AGXT: variants seen among roughly 807,000 people sequenced by gnomAD.
The protein encoded by AGXT is L-alanine: glyoxylate aminotransferase 1.
In AGXT, 41 loss-of-function variants were observed where a neutral mutation model predicts 46.9. The ratio of observed to expected loss-of-function variants is 0.88; its 90% confidence interval spans 0.68 to 1.14. The LOEUF (loss-of-function observed/expected upper bound fraction) is 1.14, where lower values mean the gene tolerates loss of function less well. Ranked by LOEUF, AGXT falls within the 50% of genes most tolerant of loss-of-function variation. AGXT has a pLI of 0.00. For missense variants in AGXT, 525 were observed against 522.7 expected (o/e 1.00, Z -0.04); for synonymous variants, 244 against 227.9 (o/e 1.07, Z -0.64).
intron 8 of AGXT, 87 bp downstream of exon 8, chr2:240,876,091 T>C: frequency 1.4e-6 from 2 of 1,467,320 alleles, no homozygotes; most frequent in Non-Finnish European, 1.9e-6. Flanking sequence ...CCATCCCTGG[T>C]GCACAGAGAA....
chr2:240,878,716 G>T lies in AGXT; in HGVS notation c.1074G>T (p.Val358=). 1 of 1,555,564 alleles carries T rather than the reference G, an allele frequency of 6.4e-7. No homozygotes were observed. The change falls in exon 11 of 11, where the codon GTG becomes GTT. Residue 358 remains valine (V), a splice_region_variant and synonymous_variant. Coordinates refer to ENST00000307503, the MANE Select transcript of AGXT (RefSeq NM_000030.3). ...MGGLGPSTGK[V]LRIGLLGCNA... is the part of the protein sequence containing the mutation. ...TCAGCCCGCCCTGTGCCCCCCAGGT[G>T]CTGCGGATCGGCCTGCTGGGCTGCA...
chr2:240,873,630 T>C (rs1211673069), intron 5 of AGXT, among the ~76,000 whole-genome samples: 4 of 151,954 alleles, frequency 2.6e-5, no homozygotes, highest in African/African-American at 2.4e-5. Context: ...GATTTGGGAG[T>C]TCTCAGGCAG....
chr2:240,877,606 G>A lies in AGXT; in HGVS notation c.916G>A (p.Gly306Arg). ...AYLHGRLQALGLQLFVKDPAL... is the reference protein window; with the variant it reads ...AYLHGRLQALRLQLFVKDPAL... ...TCTGCATGGGCGCCTGCAGGCACTG[G>A]GGCTGCAGCTCTTCGTGAAGGACCC... is the stretch of plus-strand genomic sequence containing the variant. Residue 306 changes from glycine to arginine, a missense_variant, in exon 9 of 11, where the codon GGG becomes AGG. Physicochemically the swap from Gly to Arg is moderately radical, Grantham distance 125. Coordinates refer to ENST00000307503, the MANE Select transcript of AGXT (RefSeq NM_000030.3). 1.3e-6 allele frequency: 2 copies of A among 1,550,934 alleles called. No homozygotes were observed. Among genetic ancestry groups the A allele is most frequent in the Non-Finnish European group, 1.7e-6 (2 of 1,146,994 alleles).
chr2:240,871,540 C>T lies in AGXT; in HGVS notation c.524+91C>T, dbSNP rs10196315. 422,626 of 1,203,100 alleles carry T rather than the reference C, an allele frequency of 0.35. 77,793 individuals carry two copies. Among genetic ancestry groups the T allele is most frequent in the Non-Finnish European group, 0.39 (324,048 of 841,138 alleles). The allele number at this position is 1,203,100 out of a possible 1,614,324, so 74.5% of individuals were successfully genotyped here. ...CACTGGTCCCTCTGGTCCTTCTGCC[C>T]CTGGTCCCCACCCCAGCCTCTGTCA... On this transcript the variant is annotated intron_variant, in intron 4 of 10. Coordinates refer to ENST00000307503, the MANE Select transcript of AGXT (RefSeq NM_000030.3).
In AGXT at chr2:240,878,031, C is replaced by G; in HGVS notation, c.952C>G (p.Leu318Val). 6.2e-7 allele frequency: 1 copy of G among 1,612,210 alleles called. No homozygotes were observed. The highest frequency in any genetic ancestry group is 1.1e-5 in the South Asian group (1 of 91,086). ...CAGGCCCCTCCTGCAGGCGCTCCGGCTTCCCACAGTCACCACTGTGGCTGT... is the reference window on the plus strand; with the variant it reads ...CAGGCCCCTCCTGCAGGCGCTCCGGGTTCCCACAGTCACCACTGTGGCTGT... ...QLFVKDPALR[L>V]PTVTTVAVPA... Residue 318 changes from leucine (L) to valine (V), a missense_variant, in exon 10 of 11, where the codon CTT (leucine) becomes GTT (valine). Coordinates refer to ENST00000307503, the MANE Select transcript of AGXT (RefSeq NM_000030.3).
At position 240,869,049 on chromosome 2, in the gene AGXT, C is replaced by CG; in HGVS notation, c.165+25dup. The CG allele has an allele frequency of 5.0e-6, 8 of 1,611,212 alleles. No homozygotes were observed. The highest frequency in any genetic ancestry group is 6.8e-6 in the Non-Finnish European group (8 of 1,179,224). Reference sequence around the variant, plus strand: ...GTACCAGGTAGGAGTGGGGGTCACTCGGGGGGCCTGGGTCTCACCCATGTT... The same window carrying CG: ...GTACCAGGTAGGAGTGGGGGTCACTCGGGGGGGCCTGGGTCTCACCCATGTT... On this transcript the variant is annotated intron_variant, in intron 1 of 10. Transcript: ENST00000307503.
chr2:240,878,684 GCT>G, intron 10 of AGXT, 28 bp from the exon 11 acceptor site: 1 of 1,537,242 alleles, frequency 6.5e-7, no homozygotes, highest in Non-Finnish European at 8.7e-7. Context: ...CAGGCGGGAG[GCT>G]GACGTCAGCC....
Position 240,878,943 on chromosome 2 carries a change from G to A in AGXT, c.*122G>A, listed in dbSNP as rs963656202. The A allele has an allele frequency of 6.7e-6, 7 of 1,044,320 alleles. No individual in the cohort carries two copies. The African/African-American group carries it at 9.5e-5, about 14-fold the overall frequency. The allele number at this position is 1,044,320 out of a possible 1,614,324, so 64.7% of individuals were successfully genotyped here. On this transcript the variant is annotated 3_prime_UTR_variant, in exon 11 of 11. Transcript: ENST00000307503. ...TGGGGACAGGAAAGCCACTGACCCA[G>A]CCCGGGAGGCAGAACCAGGCAGCCT...
intron 6 of AGXT, 73 bp downstream of exon 6, chr2:240,874,135 G>C: frequency 6.8e-7 from 1 of 1,480,508 alleles, no homozygotes; most frequent in Non-Finnish European, 9.4e-7. Context: ...CGAGGCGGGA[G>C]GGGCGGGAGC....
At chr2:240,871,899 T>G (rs1402842363) in intron 4 of AGXT, among the ~76,000 whole-genome samples, 2 of 152,346 alleles carry the variant, frequency 1.3e-5, no homozygotes, top group Middle Eastern at 6.8e-3. Flanking sequence ...ACAGAGCCCC[T>G]TGGGACCCAG....
chr2:240,875,879 C>T (rs1575711078), intron 7 of AGXT, 56 bp from the exon 8 acceptor site: 6 of 1,569,302 alleles, frequency 3.8e-6, no homozygotes, highest in South Asian at 2.2e-5. Context: ...AGCTAATGCC[C>T]CATCTGCCCC....
intron 2 of AGXT, 113 bp from the exon 3 acceptor site, chr2:240,870,531 C>G: frequency 7.8e-7 from 1 of 1,278,596 alleles, no homozygotes; most frequent in South Asian, 1.3e-5. Context: ...CAGGGTGCCA[C>G]GGTGGGTGGG....
At chr2:240,873,189 C>T (rs933444310) in intron 5 of AGXT, 140 bp downstream of exon 5, 3 of 710,522 alleles carry the variant, frequency 4.2e-6, no homozygotes, top group Admixed American at 2.3e-5. Context: ...GAAACACTCA[C>T]TCCTTACTGC....
intron 5 of AGXT, chr2:240,873,365 A>C: frequency 5.2e-6 from 2 of 386,248 alleles, no homozygotes; most frequent in Admixed American, 3.8e-5. Flanking sequence ...GCTCCAGTCA[A>C]TCAGGCGTTG....
intron 5 of AGXT, chr2:240,873,350 C>A: frequency 2.4e-6 from 1 of 411,378 alleles, no homozygotes; most frequent in Non-Finnish European, 4.5e-6. Flanking sequence ...AGAGGAAGGG[C>A]CAGGGCTCCA....
In AGXT at chr2:240,877,249, C is replaced by G. The variant is rs1016746798; in HGVS notation, c.847-288C>G. 4.6e-5 allele frequency: 28 copies of G among 608,166 alleles called. No individual in the cohort carries two copies. In the East Asian group the frequency reaches 9.3e-4, roughly 20 times the overall value. The allele number at this position is 608,166 out of a possible 1,614,324, so 37.7% of individuals were successfully genotyped here. A position where few individuals can be genotyped will look rare whatever the true frequency, so the allele number is the denominator to read the frequency against. On this transcript the variant is annotated intron_variant, in intron 8 of 10. Transcript: ENST00000307503. ...AGCCCAACAGCCCTTCCCCTCCTTG[C>G]CCAGTCCCCTCCCCCTGCAAGGCAC...
Position 240,869,049 on chromosome 2 carries a change from C to T in AGXT, c.165+19C>T, listed in dbSNP as rs201390940. 2.7e-5 allele frequency: 43 copies of T among 1,611,212 alleles called. No homozygotes were observed. The highest frequency in any genetic ancestry group is 1.7e-4 in the Middle Eastern group (1 of 6,058). On this transcript the variant is annotated intron_variant, in intron 1 of 10. Transcript: ENST00000307503. ...GTACCAGGTAGGAGTGGGGGTCACTCGGGGGGCCTGGGTCTCACCCATGTT... is the reference window on the plus strand; with the variant it reads ...GTACCAGGTAGGAGTGGGGGTCACTTGGGGGGCCTGGGTCTCACCCATGTT...
At chr2:240,870,542 G>A (rs2058985529) in intron 2 of AGXT, 102 bp from the exon 3 acceptor site, 1 of 1,402,540 alleles carries the variant, frequency 7.1e-7, no homozygotes. Context: ...GGTGGGTGGG[G>A]TCCAGCCCTC....
chr2:240,877,148 G>A (rs768990817), intron 8 of AGXT: 9 of 414,126 alleles, frequency 2.2e-5, no homozygotes, highest in Non-Finnish European at 4.3e-5. Flanking sequence ...CAGGTCGGGG[G>A]AGCTGGCCCT....
Sources: allele counts gnomAD v4.1 joint callset (sites outside exome capture counted in the v4.1 genomes callset), GRCh38; gene constraint gnomAD v4.1.1; transcripts MANE v1.5; gene names NCBI Gene and HGNC (gene_info 2026-07-23, HGNC 2026-07-21).